Variants in DDX42 observed in about 807,000 individuals in gnomAD.
DDX42 encodes the protein DEAD-box helicase 42.
Under a neutral mutation model 101.5 loss-of-function variants are expected in DDX42, and 22 were observed. The observed-to-expected ratio is 0.22, with a 90% CI of 0.15 to 0.31. The LOEUF (loss-of-function observed/expected upper bound fraction) is 0.31, where lower values mean the gene tolerates loss of function less well. DDX42 is among the 10% of genes least tolerant of loss of function. DDX42 has a pLI of 1.00. For synonymous variants in DDX42, 402 were observed against 401.2 expected, an observed-to-expected ratio of 1.00 and a Z score of -0.02; for missense variants, 849 against 1,199.9, an observed-to-expected ratio of 0.71 and a Z score of 4.32.
intron 17 of DDX42, 44 bp from the exon 18 acceptor site, chr17:63,817,650 G>A (rs759710275): frequency 6.3e-7 from 1 of 1,578,168 alleles, no homozygotes; most frequent in South Asian, 1.1e-5. Context: ...CAAGTTTCTT[G>A]AACTTGCTAT....
At position 63,792,424 on chromosome 17, in the gene DDX42, TGAG is replaced by T. The variant is rs1456123735; in HGVS notation, c.237_239del (p.Glu81del). The stretch of plus-strand genomic sequence containing the variant: ...TTCTAATTCTCAGCTATTTTGAAGA[TGAG>T]GAAGAAGATTCTAGCAACGTTGATT... On this transcript the variant is annotated inframe_deletion, in exon 3 of 18. Coordinates refer to ENST00000389924, the MANE Select transcript of DDX42 (RefSeq NM_203499.3). The T allele has an allele frequency of 6.2e-7, 1 of 1,611,688 alleles. No individual in the cohort carries two copies. The highest frequency in any genetic ancestry group is 1.3e-5 in the African/African-American group (1 of 75,002).
At chr17:63,785,769 T>C (rs2039541170) in intron 1 of DDX42, among the ~76,000 whole-genome samples, 1 of 152,208 alleles carries the variant, frequency 6.6e-6, no homozygotes, top group Non-Finnish European at 1.5e-5. Context: ...TCTTCCTGGA[T>C]AGTGTTTCTA....
intron 6 of DDX42, among the ~76,000 whole-genome samples, chr17:63,804,094 C>T (rs1437373425): frequency 6.6e-6 from 1 of 151,606 alleles, no homozygotes; most frequent in Non-Finnish European, 1.5e-5. Flanking sequence ...TTTTATGTAT[C>T]CAGAACTATG....
intron 1 of DDX42, among the ~76,000 whole-genome samples, chr17:63,785,448 TCAAAAAA>T (rs1049073409): frequency 7.4e-5 from 11 of 149,304 alleles, no homozygotes; most frequent in African/African-American, 1.7e-4. Context: ...AGGCTCTGTC[TCAAAAAA>T]CAAAAAACAA....
At chr17:63,782,170 C>T (rs1439973838) in intron 1 of DDX42, among the ~76,000 whole-genome samples, 1 of 150,034 alleles carries the variant, frequency 6.7e-6, no homozygotes, top group Non-Finnish European at 1.5e-5. Flanking sequence ...CCCAGCTACT[C>T]GGGAGGCTGA....
intron 1 of DDX42, among the ~76,000 whole-genome samples, chr17:63,781,107 A>T (rs1351645791): frequency 6.6e-6 from 1 of 152,192 alleles, no homozygotes; most frequent in Non-Finnish European, 1.5e-5. Flanking sequence ...CCTAGTCTTC[A>T]TCTTCTACTA....
chr17:63,789,279 A>G (rs963180828), intron 2 of DDX42, among the ~76,000 whole-genome samples: 4 of 151,806 alleles, frequency 2.6e-5, no homozygotes, highest in African/African-American at 9.7e-5. Context: ...CGGTTTCACC[A>G]GGTTGGCCAG....
Position 63,798,019 on chromosome 17 carries a change from CAG to C in DDX42, c.373-18_373-17del. 6.2e-7 allele frequency: 1 copy of C among 1,603,196 alleles called. No homozygotes were observed. The highest frequency in any genetic ancestry group is 8.5e-7 in the Non-Finnish European group (1 of 1,175,352). On this transcript the variant is annotated splice_polypyrimidine_tract_variant and intron_variant, in intron 3 of 17. Coordinates refer to ENST00000389924, the MANE Select transcript of DDX42 (RefSeq NM_203499.3). ...TGTTTTTAGTTGATGTCATTCTATA[CAG>C]CCTTTTGTTTCATTAGGATCAGGCA...
In DDX42 at chr17:63,787,043, T is replaced by A. The variant is rs138078243; in HGVS notation, c.-7T>A. 2.9e-3 allele frequency: 4,638 copies of A among 1,614,128 alleles called. 129 individuals are homozygous for A. The Admixed American group carries it at 0.051, about 18-fold the overall frequency. ...ATCTTATTCCTAACAGGTCAGTCAT[T>A]GGCACCATGAACTGGAATAAAGGTG... On this transcript the variant is annotated 5_prime_UTR_variant, in exon 2 of 18. Coordinates refer to ENST00000389924, the MANE Select transcript of DDX42 (RefSeq NM_203499.3).
chr17:63,785,380 A>G (rs1287755903), intron 1 of DDX42, among the ~76,000 whole-genome samples: 24 of 151,990 alleles, frequency 1.6e-4, no homozygotes. Context: ...AACCCAGGCG[A>G]CAGAGGTTGC....
At chr17:63,795,333 T>C (rs937620976) in intron 3 of DDX42, among the ~76,000 whole-genome samples, 1 of 152,174 alleles carries the variant, frequency 6.6e-6, no homozygotes, top group African/African-American at 2.4e-5. Context: ...TATAGCACCA[T>C]TTGTCATTTC....
intron 1 of DDX42, among the ~76,000 whole-genome samples, chr17:63,775,417 A>T (rs1002905338): frequency 3.3e-5 from 5 of 152,196 alleles, no homozygotes; most frequent in African/African-American, 1.2e-4. Context: ...GCAAACAGAT[A>T]CATATATTAT....
intron 7 of DDX42, 96 bp from the exon 8 acceptor site, chr17:63,806,439 C>G (rs973783611): frequency 3.4e-5 from 46 of 1,347,990 alleles, no homozygotes; most frequent in Non-Finnish European, 4.3e-5. Context: ...ACTTCATACT[C>G]CAGCTAAAAT....
intron 3 of DDX42, among the ~76,000 whole-genome samples, chr17:63,794,792 C>A (rs961704890): frequency 4.0e-5 from 6 of 151,492 alleles, no homozygotes; most frequent in Non-Finnish European, 8.8e-5. Context: ...AAAAATTAGC[C>A]AGGCATGGTG....
chr17:63,818,384 C>T lies in DDX42; in HGVS notation c.2803C>T (p.Arg935Ter). The T allele has an allele frequency of 6.2e-7, 1 of 1,613,222 alleles. No homozygotes were observed. The highest frequency in any genetic ancestry group is 8.5e-7 in the Non-Finnish European group (1 of 1,179,730). Residue 935 changes from arginine (R) to a stop codon, truncating the protein, a stop_gained, in exon 18 of 18, where the codon CGA becomes TGA. Coordinates refer to ENST00000389924, the MANE Select transcript of DDX42 (RefSeq NM_203499.3). LOFTEE classifies it high-confidence loss of function. ...AGAGCCGCCTAAACGCAAGAAAAGT[C>T]GATGGGACAGTTAGAGGGGATGTGC... ...VPEPPKRKKS[R>*]WDS is the part of the protein sequence containing the mutation.
intron 8 of DDX42, 52 bp downstream of exon 8, chr17:63,806,706 A>C (rs749969156): frequency 6.5e-7 from 1 of 1,541,562 alleles, no homozygotes; most frequent in Non-Finnish European, 8.8e-7. Context: ...TTTCATGACT[A>C]TATTAATTTA....
At chr17:63,796,745 C>T (rs1238681466) in intron 3 of DDX42, among the ~76,000 whole-genome samples, 1 of 152,162 alleles carries the variant, frequency 6.6e-6, no homozygotes, top group African/African-American at 2.4e-5. Context: ...TTTTGGTGAC[C>T]TGTTTCTTAT....
At chr17:63,808,285 C>T (rs1251235386) in intron 9 of DDX42, among the ~76,000 whole-genome samples, 3 of 152,216 alleles carry the variant, frequency 2.0e-5, no homozygotes, top group South Asian at 2.1e-4. Flanking sequence ...TCAAGCAATT[C>T]TCCTGCCTCA....
chr17:63,809,427 A>T (rs1031800015), intron 10 of DDX42, 133 bp from the exon 11 acceptor site: 11 of 660,324 alleles, frequency 1.7e-5, no homozygotes, highest in Non-Finnish European at 2.9e-5. Flanking sequence ...TGCATAAGGT[A>T]TGTGGCTGTT....
Sources: allele counts gnomAD v4.1 joint callset (sites outside exome capture counted in the v4.1 genomes callset), GRCh38; gene constraint gnomAD v4.1.1; transcripts MANE v1.5; gene names NCBI Gene and HGNC (gene_info 2026-07-23, HGNC 2026-07-21).